Variants in STAU1 observed in about 807,000 individuals in gnomAD.
STAU1 encodes double-stranded RNA-binding protein Staufen homolog 1.
STAU1 carries 13 observed loss-of-function variants against 62.9 expected under a neutral mutation model. The observed-to-expected ratio is 0.21, with a 90% CI of 0.13 to 0.33. STAU1 has a LOEUF of 0.33. Among genes scored for constraint, STAU1 ranks in the 10% least tolerant of loss-of-function variants. The pLI is 1.00. For synonymous variants in STAU1, 269 were observed against 265.1 expected, an observed-to-expected ratio of 1.01 and a Z score of -0.14; for missense variants, 571 against 712.1, an observed-to-expected ratio of 0.80 and a Z score of 2.25.
the STAU1 span, among the ~76,000 whole-genome samples, chr20:49,200,316 C>T: frequency 1.1e-4 from 17 of 152,052 alleles, no homozygotes; most frequent in Admixed American, 5.9e-4. Context: ...AGAACAGGAG[C>T]GGCCAGGTGC....
chr20:49,189,637 A>G (rs902771658), upstream of STAU1, among the ~76,000 whole-genome samples: 13 of 151,390 alleles, frequency 8.6e-5, no homozygotes, highest in East Asian at 2.1e-3. Context: ...AAAAAAAAAA[A>G]AAAAAGAATC....
rs2092244890 is a variant in STAU1 at position 49,113,937 on chromosome 20, A to G, written c.*941T>C. On this transcript the variant is annotated 3_prime_UTR_variant, in exon 14 of 14. Coordinates refer to ENST00000371856, the MANE Select transcript of STAU1 (RefSeq NM_017453.4). ...CAAAGTTCATTTAAGTCCTGTTTGC[A>G]TTAACAAAAATAAAAATGAAATAAA... 6.6e-6 allele frequency: 1 copy of G among 152,664 alleles called. No homozygotes were observed. Among genetic ancestry groups the G allele is most frequent in the African/African-American group, 2.4e-5 (1 of 41,452 alleles). The allele number at this position is 152,664 out of a possible 1,614,324, so 9.5% of individuals were successfully genotyped here.
upstream of STAU1, among the ~76,000 whole-genome samples, chr20:49,191,639 C>T (rs1433592265): frequency 6.6e-6 from 1 of 152,146 alleles, no homozygotes; most frequent in African/African-American, 2.4e-5. Flanking sequence ...ATGTGTAGCA[C>T]AGGAGAACAA....
chr20:49,121,754 C>G (rs529000692), intron 8 of STAU1, among the ~76,000 whole-genome samples: 1 of 152,144 alleles, frequency 6.6e-6, no homozygotes, highest in African/African-American at 2.4e-5. Context: ...ATGTATATAT[C>G]TATAACATAC....
At chr20:49,121,790 C>T (rs183518933) in intron 8 of STAU1, among the ~76,000 whole-genome samples, 5 of 152,278 alleles carry the variant, frequency 3.3e-5, no homozygotes, top group Admixed American at 1.3e-4. Context: ...CACCAAACCA[C>T]CCTCCCCGAA....
intron 6 of STAU1, among the ~76,000 whole-genome samples, chr20:49,132,646 C>T (rs1413072299): frequency 6.6e-6 from 1 of 152,136 alleles, no homozygotes; most frequent in Non-Finnish European, 1.5e-5. Flanking sequence ...GTAATCCCAG[C>T]TACTCAGGGG....
chr20:49,172,389 C>T (rs78398834), intron 2 of STAU1, among the ~76,000 whole-genome samples: 1,800 of 152,292 alleles, frequency 0.012, 41 homozygotes, highest in African/African-American at 0.04. Context: ...CAAGCACATA[C>T]ATTTGTAAAC....
Position 49,151,328 on chromosome 20 carries a change from A to G in STAU1, c.510+254T>C, listed in dbSNP as rs556729407. Among the ~76,000 whole-genome samples, 58 of 152,366 alleles carry G rather than the reference A, an allele frequency of 3.8e-4. 1 individual carries two copies. In the South Asian group the frequency reaches 0.011, roughly 29 times the overall value. ...GAATCACAAACTTTCTAACGTGTTCACACCGTATCATGTCACTCAAAACCA... is the reference window on the plus strand; with the variant it reads ...GAATCACAAACTTTCTAACGTGTTCGCACCGTATCATGTCACTCAAAACCA... On this transcript the variant is annotated intron_variant, in intron 5 of 13. Transcript: ENST00000371856.
chr20:49,196,733 C>T, the STAU1 span, among the ~76,000 whole-genome samples: 3 of 149,002 alleles, frequency 2.0e-5, no homozygotes, highest in African/African-American at 7.5e-5. Context: ...CATGGCACCA[C>T]AGTACCCCAG....
chr20:49,145,295 G>T (rs969144497), intron 5 of STAU1, among the ~76,000 whole-genome samples: 7 of 151,200 alleles, frequency 4.6e-5, no homozygotes, highest in African/African-American at 1.7e-4. Flanking sequence ...GTAGTGGCAC[G>T]CACCTGTAGT....
chr20:49,212,615 A>ATTTT, the STAU1 span, among the ~76,000 whole-genome samples: 109 of 85,182 alleles, frequency 1.3e-3, 7 homozygotes, highest in East Asian at 2.0e-3. Context: ...AGCTATTGGA[A>ATTTT]TTTTTTTTTT....
chr20:49,172,380 AAGCACATAC>A, intron 2 of STAU1, among the ~76,000 whole-genome samples: 1 of 152,358 alleles, frequency 6.6e-6, no homozygotes, highest in South Asian at 2.1e-4. Context: ...AACAAAATTC[AAGCACATAC>A]ATTTGTAAAC....
chr20:49,185,629 A>G (rs1009926955), intron 1 of STAU1, among the ~76,000 whole-genome samples: 6 of 152,174 alleles, frequency 3.9e-5, no homozygotes, highest in African/African-American at 1.4e-4. Flanking sequence ...AAAATAATCT[A>G]GTTTGTGTGG....
chr20:49,143,094 C>T (rs1407391559), intron 5 of STAU1, among the ~76,000 whole-genome samples: 1 of 152,122 alleles, frequency 6.6e-6, no homozygotes, highest in Non-Finnish European at 1.5e-5. Context: ...AGCCACCGTG[C>T]CTGGCTCATT....
At chr20:49,123,626 C>T (rs1010920815) in intron 7 of STAU1, among the ~76,000 whole-genome samples, 7 of 152,128 alleles carry the variant, frequency 4.6e-5, no homozygotes, top group South Asian at 2.1e-4. Context: ...CCAGGAACCA[C>T]TTTTTTAAAA....
the STAU1 span, among the ~76,000 whole-genome samples, chr20:49,193,923 C>A: frequency 6.6e-6 from 1 of 151,034 alleles, no homozygotes; most frequent in Non-Finnish European, 1.5e-5. Context: ...GAGCAGAGAT[C>A]GCCACAATGC....
intron 2 of STAU1, among the ~76,000 whole-genome samples, chr20:49,171,841 T>C (rs140245335): frequency 6.6e-6 from 1 of 150,736 alleles, no homozygotes; most frequent in East Asian, 1.9e-4. Context: ...AAGCAAATAA[T>C]GTCCAATAGC....
the STAU1 span, among the ~76,000 whole-genome samples, chr20:49,200,168 C>G: frequency 6.6e-6 from 1 of 152,194 alleles, no homozygotes; most frequent in Non-Finnish European, 1.5e-5. Context: ...TATATTCACA[C>G]TAAAATCTTA....
At chr20:49,168,781 A>G (rs997979042) in intron 2 of STAU1, among the ~76,000 whole-genome samples, 1 of 152,188 alleles carries the variant, frequency 6.6e-6, no homozygotes, top group African/African-American at 2.4e-5. Flanking sequence ...ACCAGTGTGC[A>G]GAATGGGGAA....
Sources: gnomAD v4.1 joint callset for allele counts (sites outside exome capture counted in the v4.1 genomes callset) on GRCh38, gnomAD v4.1.1 for gene constraint, MANE v1.5 for transcripts, NCBI Gene and HGNC (gene_info 2026-07-23, HGNC 2026-07-21) for gene names.